CDV3: variants seen among roughly 807,000 people sequenced by gnomAD.
CDV3 encodes the protein CDV3 homolog, also known as protein CDV3 homolog.
Under a neutral mutation model 24.5 loss-of-function variants are expected in CDV3, and 14 were observed. The ratio of observed to expected loss-of-function variants is 0.57; its 90% CI spans 0.38 to 0.89. The LOEUF is 0.89. Ranked by LOEUF, CDV3 falls within the 40% of genes least tolerant of loss-of-function variation. CDV3 has a pLI of 0.00. For synonymous variants in CDV3, 114 were observed against 114.1 expected (o/e 1.00, Z 0.00); for missense variants, 304 against 310.2 (o/e 0.98, Z 0.15).
In CDV3 at chr3:133,587,906, A is replaced by AGCTT; in HGVS notation, c.637_638insGCTT (p.Met213SerfsTer7). 3 of 1,607,286 alleles carry AGCTT rather than the reference A, an allele frequency of 1.9e-6. No homozygotes were observed. The highest frequency in any genetic ancestry group is 2.5e-6 in the Non-Finnish European group (3 of 1,177,072). The stretch of plus-strand genomic sequence containing the variant: ...TTTCTTTTCCCTTAGGGATAAAGAA[A>AGCTT]TGGAGAAGAGCTTTGAAGTAGTAAG... On this transcript the variant is annotated frameshift_variant, in exon 5 of 5. Transcript: ENST00000264993. LOFTEE classifies it high-confidence loss of function.
At chr3:133,574,770 T>A in intron 1 of CDV3, 1 of 1,106,714 alleles carries the variant, frequency 9.0e-7, no homozygotes, top group East Asian at 4.7e-5. Flanking sequence ...GTTGTGAAAT[T>A]CCTATTGACT....
chr3:133,586,590 C>T lies in CDV3; in HGVS notation c.494C>T (p.Thr165Ile), dbSNP rs777863055. 5.6e-6 allele frequency: 9 copies of T among 1,595,956 alleles called. No individual in the cohort carries two copies. The Admixed American group carries it at 8.4e-5, about 15-fold the overall frequency. Reference sequence around the variant, plus strand: ...ACAGAAACCCCAGAACCAGCGATGACTAGTGGTGTGTATAGGCCTCCTGGG... The same window carrying T: ...ACAGAAACCCCAGAACCAGCGATGATTAGTGGTGTGTATAGGCCTCCTGGG... ...IVTETPEPAM[T>I]SGVYRPPGAR... The change falls in exon 4 of 5, where the codon ACT becomes ATT. Residue 165 changes from threonine to isoleucine, a missense_variant. Thr to Ile is a moderately conservative substitution (Grantham distance 89, BLOSUM62 -1). Around this residue, in one of 3 missense-constraint regions of CDV3, gnomAD observed 219 missense variants for 203.6 expected, o/e 1.08. Transcript: ENST00000264993.
intron 3 of CDV3, 33 bp from the exon 4 acceptor site, chr3:133,586,530 A>G (rs759043659): frequency 1.7e-6 from 2 of 1,177,420 alleles, no homozygotes; most frequent in African/African-American, 1.5e-5. Context: ...GAGCATTTAA[A>G]TAGTTTATCT....
At chr3:133,582,841 A>T (rs1429123456) in intron 2 of CDV3, among the ~76,000 whole-genome samples, 1 of 152,196 alleles carries the variant, frequency 6.6e-6, no homozygotes. Flanking sequence ...TTCGAGGTGA[A>T]GAGTTGCAAA....
At chr3:133,574,947 C>G in intron 1 of CDV3, 92 bp from the exon 2 acceptor site, 1 of 869,002 alleles carries the variant, frequency 1.2e-6, no homozygotes, top group South Asian at 1.5e-5. Flanking sequence ...AGTTTAGGTT[C>G]CAGCCACTTG....
rs6792846 is a variant in CDV3 at position 133,588,647 on chromosome 3, T to A, written c.*601T>A. On this transcript the variant is annotated 3_prime_UTR_variant, in exon 5 of 5. Coordinates refer to ENST00000264993, the MANE Select transcript of CDV3 (RefSeq NM_017548.5). ...TTATATTAGACTTCCTGGAACACAC[T>A]GCTGAAAAGAACTGATGTGTTCAGA... 2 of 500,908 alleles carry A rather than the reference T, an allele frequency of 4.0e-6. No individual in the cohort carries two copies. Among genetic ancestry groups the A allele is most frequent in the Admixed American group, 3.5e-5 (1 of 28,806 alleles). The allele number at this position is 500,908 out of a possible 1,614,324, so 31.0% of individuals were successfully genotyped here.
rs766997078 is a variant in CDV3, at chr3:133,575,067, A to G, written c.269A>G (p.Gln90Arg). Residue 90 changes from glutamine to arginine, a missense_variant, in exon 2 of 5, where the codon CAA becomes CGA. By Grantham distance (43) the Gln-to-Arg change is conservative (BLOSUM62 1). Coordinates refer to ENST00000264993, the MANE Select transcript of CDV3 (RefSeq NM_017548.5). ...GAAGATGAATGGAAAGAATTGGAGC[A>G]AAAAGAGGTTGATTACAGCGGCCTC... ...KDEDEWKELEQKEVDYSGLRV... is the reference protein window; with the variant it reads ...KDEDEWKELERKEVDYSGLRV... The G allele has an allele frequency of 1.2e-6, 2 of 1,606,558 alleles. No individual in the cohort carries two copies. The highest frequency in any genetic ancestry group is 1.7e-6 in the Non-Finnish European group (2 of 1,173,130).
At chr3:133,586,302 G>A (rs1576658810) in intron 3 of CDV3, among the ~76,000 whole-genome samples, 1 of 151,946 alleles carries the variant, frequency 6.6e-6, no homozygotes, top group East Asian at 1.9e-4. Flanking sequence ...CATCATGTTG[G>A]CCCAGCTGGT....
chr3:133,574,727 A>G (rs952543981), intron 1 of CDV3: 9 of 1,096,106 alleles, frequency 8.2e-6, no homozygotes, highest in East Asian at 6.5e-5. Flanking sequence ...AGAAAAAGAA[A>G]ACTCTCGGTG....
intron 2 of CDV3, among the ~76,000 whole-genome samples, chr3:133,576,841 C>CTTTTTTTTTATTTTTTTTTTTTTTTT (rs2074828274): frequency 1.6e-5 from 1 of 62,388 alleles, no homozygotes; most frequent in Non-Finnish European, 2.8e-5. Flanking sequence ...GGTAGACTAG[C>CTTTTTTTTTATTTTTTTTTTTTTTTT]TTTTTTTTTT....
intron 2 of CDV3, among the ~76,000 whole-genome samples, chr3:133,578,678 A>G (rs998255010): frequency 3.9e-5 from 6 of 152,222 alleles, no homozygotes; most frequent in African/African-American, 1.4e-4. Context: ...GGCCAGGCAT[A>G]GCTGATCAGG....
chr3:133,581,049 G>A (rs1279654343), intron 2 of CDV3, among the ~76,000 whole-genome samples: 1 of 152,008 alleles, frequency 6.6e-6, no homozygotes, highest in Non-Finnish European at 1.5e-5. Flanking sequence ...TTGAGATACT[G>A]TCACTATTCC....
At chr3:133,577,969 G>A (rs1224328905) in intron 2 of CDV3, among the ~76,000 whole-genome samples, 1 of 152,106 alleles carries the variant, frequency 6.6e-6, no homozygotes, top group Non-Finnish European at 1.5e-5. Flanking sequence ...GTTGTTTGTA[G>A]GCCCTGTAGG....
intron 1 of CDV3, 39 bp downstream of exon 1, chr3:133,574,323 C>A: frequency 1.1e-6 from 1 of 931,124 alleles, no homozygotes; most frequent in Non-Finnish European, 1.3e-6. Flanking sequence ...GCCCGGGCCG[C>A]GCGCCGGCGC....
chr3:133,583,222 T>TA (rs1280333639), intron 2 of CDV3, among the ~76,000 whole-genome samples: 21 of 152,360 alleles, frequency 1.4e-4, no homozygotes, highest in African/African-American at 5.1e-4. Flanking sequence ...CTATCCTCTG[T>TA]AAACACTGGA....
At position 133,581,393 on chromosome 3, in the gene CDV3, AT is replaced by A. The variant is rs201268056; in HGVS notation, c.318-2604del. Reference sequence around the variant, plus strand: ...AGCAAGACCCTGTCTCTAAAAATTAATTTTTAAAAATAAAAAATGATTTTTT... The same window carrying A: ...AGCAAGACCCTGTCTCTAAAAATTAATTTTAAAAATAAAAAATGATTTTTT... On this transcript the variant is annotated intron_variant, in intron 2 of 4. Coordinates refer to ENST00000264993, the MANE Select transcript of CDV3 (RefSeq NM_017548.5). Among the ~76,000 whole-genome samples, 96 of 152,304 alleles carry A rather than the reference AT, an allele frequency of 6.3e-4. 1 individual carries two copies. In the East Asian group the frequency reaches 0.017, roughly 27 times the overall value.
At chr3:133,582,152 A>ATTATTTT (rs1043847441) in intron 2 of CDV3, among the ~76,000 whole-genome samples, 1 of 151,918 alleles carries the variant, frequency 6.6e-6, no homozygotes, top group Non-Finnish European at 1.5e-5. Flanking sequence ...CAATGCTGCC[A>ATTATTTT]TTATTTTTTA....
At chr3:133,580,137 C>G (rs1004120075) in intron 2 of CDV3, among the ~76,000 whole-genome samples, 15 of 151,654 alleles carry the variant, frequency 9.9e-5, no homozygotes, top group African/African-American at 3.6e-4. Flanking sequence ...CACCCCCCAA[C>G]AGGCCCTGGT....
intron 2 of CDV3, among the ~76,000 whole-genome samples, chr3:133,578,716 G>A (rs2074909542): frequency 6.6e-6 from 1 of 152,168 alleles, no homozygotes; most frequent in African/African-American, 2.4e-5. Context: ...TTTTACTGTT[G>A]CAGCAATGCT....
Sources: allele counts gnomAD v4.1 joint callset (sites outside exome capture counted in the v4.1 genomes callset), GRCh38; gene constraint gnomAD v4.1.1; regional missense constraint gnomAD v4.1.1; transcripts MANE v1.5; gene names NCBI Gene and HGNC (gene_info 2026-07-23, HGNC 2026-07-21).